Variants in ZFX observed in about 807,000 individuals in gnomAD.
The protein encoded by ZFX is zinc finger protein X-linked, also known as zinc finger X-chromosomal protein.
For missense variants in ZFX, 362 were observed against 628.3 expected (o/e 0.58, Z 4.53); for synonymous variants, 196 against 226.8 (o/e 0.86, Z 1.22).
chrX:24,177,537 C>T (rs1407904509), intron 4 of ZFX: 3 of 209,377 alleles, frequency 1.4e-5, no homozygotes, highest in Non-Finnish European at 2.1e-5. Context: ...CCTGCTCCAA[C>T]TACTCTCAAC....
chrX:24,207,564 G>A, intron 6 of ZFX, 89 bp downstream of exon 6: 1 of 1,139,120 alleles, frequency 8.8e-7, no homozygotes, highest in Non-Finnish European at 1.2e-6. Flanking sequence ...AACATTTGGA[G>A]TCTCTTCTGA....
intron 5 of ZFX, among the ~76,000 whole-genome samples, chrX:24,196,333 G>A (rs1170681780): frequency 9.0e-6 from 1 of 110,989 alleles, no homozygotes; most frequent in Non-Finnish European, 1.9e-5. Flanking sequence ...GGCTGGTCTC[G>A]AACTCCTCAC....
rs962738372 is a variant in ZFX, at chrX:24,212,449, T to C, written c.*1073T>C. 8.9e-6 allele frequency: 1 copy of C among 112,520 alleles called. No individual in the cohort carries two copies. The highest frequency in any genetic ancestry group is 3.2e-5 in the African/African-American group (1 of 30,880). The allele number at this position is 112,520 out of a possible 1,213,427, so 9.3% of individuals were successfully genotyped here. On this transcript the variant is annotated 3_prime_UTR_variant, in exon 10 of 10. Coordinates refer to ENST00000304543, the MANE Select transcript of ZFX (RefSeq NM_003410.4). ...AGAATTAGAAGGAAAATAAGGACACTAGTATTTTTAAAGAGTAAAGATATT... is the reference window on the plus strand; with the variant it reads ...AGAATTAGAAGGAAAATAAGGACACCAGTATTTTTAAAGAGTAAAGATATT...
chrX:24,210,835 T>C lies in ZFX; in HGVS notation c.1877T>C (p.Ile626Thr), dbSNP rs371967051. 85 of 1,210,088 alleles carry C rather than the reference T, an allele frequency of 7.0e-5. No homozygotes were observed. In the East Asian group the frequency reaches 2.2e-3, roughly 31 times the overall value. Residue 626 changes from isoleucine to threonine, a missense_variant, in exon 10 of 10, where the codon ATC (isoleucine) becomes ACC (threonine). Ile to Thr is a moderately conservative substitution (Grantham distance 89, BLOSUM62 -1). Coordinates refer to ENST00000304543, the MANE Select transcript of ZFX (RefSeq NM_003410.4). ...AAAGAGGTGCAGCAACATGCTCTTA[T>C]CCACCAAGAAAGCAAAACACACCAG... The part of the protein sequence containing the change: ...DTKEVQQHAL[I>T]HQESKTHQCL...
chrX:24,166,236 G>A (rs1933983460), intron 3 of ZFX, among the ~76,000 whole-genome samples: 1 of 112,380 alleles, frequency 8.9e-6, no homozygotes, highest in African/African-American at 3.2e-5. Context: ...AATAGATTGT[G>A]AAAGTTTGGA....
At chrX:24,185,128 T>C (rs1936002183) in intron 5 of ZFX, among the ~76,000 whole-genome samples, 1 of 111,527 alleles carries the variant, frequency 9.0e-6, no homozygotes, top group East Asian at 2.8e-4. Flanking sequence ...ATTTTTACAT[T>C]TTTTGTAGAG....
intron 5 of ZFX, among the ~76,000 whole-genome samples, chrX:24,199,686 G>T (rs1937159792): frequency 9.0e-6 from 1 of 111,315 alleles, no homozygotes; most frequent in South Asian, 3.7e-4. Flanking sequence ...GGGAGGCTGA[G>T]GTGGGTGGAT....
At chrX:24,204,724 A>G (rs1465321963) in intron 5 of ZFX, among the ~76,000 whole-genome samples, 1 of 112,036 alleles carries the variant, frequency 8.9e-6, no homozygotes, top group African/African-American at 3.2e-5. Flanking sequence ...GATTGGGACT[A>G]ACGTAGCTTG....
intron 6 of ZFX, 108 bp downstream of exon 6, chrX:24,207,583 T>C: frequency 3.6e-6 from 4 of 1,125,481 alleles, no homozygotes; most frequent in Non-Finnish European, 4.7e-6. Flanking sequence ...GAAGTAACTT[T>C]TATGTAAGAA....
intron 3 of ZFX, among the ~76,000 whole-genome samples, chrX:24,163,485 C>G (rs2147360341): frequency 1.1e-5 from 1 of 92,588 alleles, no homozygotes; most frequent in African/African-American, 4.0e-5. Context: ...TCAAGTGATT[C>G]TCGTGCCTCA....
upstream of ZFX, chrX:24,149,199 G>C (rs1291656089): frequency 9.1e-6 from 1 of 109,916 alleles, no homozygotes. Context: ...GCGGGGGTCT[G>C]AGGGCCTGCA....
chrX:24,172,923 C>A, intron 4 of ZFX, 123 bp downstream of exon 4: 2 of 719,349 alleles, frequency 2.8e-6, no homozygotes, highest in Non-Finnish European at 3.9e-6. Context: ...TCAAAATTCA[C>A]AGGTGTTACG....
At chrX:24,203,148 C>T (rs1180516289) in intron 5 of ZFX, among the ~76,000 whole-genome samples, 3 of 112,021 alleles carry the variant, frequency 2.7e-5, no homozygotes, top group Non-Finnish European at 5.6e-5. Context: ...ACCCAGTTAT[C>T]CTTGGCTTCT....
In ZFX at chrX:24,190,369, TAAACTGA is replaced by T. The variant is rs1936450145; in HGVS notation, c.646+10602_646+10608del. Among the ~76,000 whole-genome samples the T allele has an allele frequency of 2.7e-5, 3 of 112,329 alleles. No homozygotes were observed. In the Admixed American group the frequency reaches 2.8e-4, roughly 11 times the overall value. On this transcript the variant is annotated intron_variant, in intron 5 of 9. Transcript: ENST00000304543. Reference sequence around the variant, plus strand: ...TCCATCTAAAATTGTATCTTTACTGTAAACTGAAATTTATTTAGAAATCAACACTACA... The same window carrying T: ...TCCATCTAAAATTGTATCTTTACTGTAATTTATTTAGAAATCAACACTACA...
chrX:24,191,120 C>T (rs1237760208), intron 5 of ZFX, among the ~76,000 whole-genome samples: 2 of 111,378 alleles, frequency 1.8e-5, no homozygotes, highest in Non-Finnish European at 3.8e-5. Flanking sequence ...CTTTTTTTTC[C>T]TCCTGAATGT....
At chrX:24,180,165 G>A (rs753899970) in intron 5 of ZFX, among the ~76,000 whole-genome samples, 1 of 109,791 alleles carries the variant, frequency 9.1e-6, no homozygotes, top group South Asian at 4.0e-4. Context: ...CCGGGAGCCG[G>A]AGGTTGCAGT....
chrX:24,196,475 T>A (rs1936929467), intron 5 of ZFX, among the ~76,000 whole-genome samples: 1 of 112,285 alleles, frequency 8.9e-6, no homozygotes, highest in Non-Finnish European at 1.9e-5. Context: ...ACTCAGTGCT[T>A]ACATTATTTT....
In ZFX at chrX:24,208,347, C is replaced by T; in HGVS notation, c.1070C>T (p.Pro357Leu). 8.3e-7 allele frequency: 1 copy of T among 1,209,983 alleles called. No homozygotes were observed. The highest frequency in any genetic ancestry group is 1.1e-6 in the Non-Finnish European group (1 of 895,020). The change falls in exon 8 of 10, where the codon CCG becomes CTG. Residue 357 changes from proline to leucine, a missense_variant. Coordinates refer to ENST00000304543, the MANE Select transcript of ZFX (RefSeq NM_003410.4). ...GACAATGAAATCAAAACCTTCATGC[C>T]GATTGCATGGGCAGCAGCTTATGGT... ...MDDNEIKTFM[P>L]IAWAAAYGNN...
Position 24,207,723 on chromosome X carries a change from G to A in ZFX, c.808G>A (p.Asp270Asn). The change falls in exon 7 of 10, where the codon GAC becomes AAC. Residue 270 changes from aspartate (D) to asparagine (N), a missense_variant. Asp to Asn is a conservative substitution (Grantham distance 23). Transcript: ENST00000304543. ...PGEDDLGGTVDIVESEPENDH... is the reference protein window; with the variant it reads ...PGEDDLGGTVNIVESEPENDH... ...TCCCTGATTGATAGGTGGAACTGTA[G>A]ACATTGTGGAGAGTGAGCCTGAGAA... The A allele has an allele frequency of 8.3e-7, 1 of 1,211,212 alleles. No homozygotes were observed. The highest frequency in any genetic ancestry group is 1.1e-6 in the Non-Finnish European group (1 of 895,301).
Sources: allele counts gnomAD v4.1 joint callset (sites outside exome capture counted in the v4.1 genomes callset), GRCh38; gene constraint gnomAD v4.1.1; transcripts MANE v1.5; gene names NCBI Gene and HGNC (gene_info 2026-07-23, HGNC 2026-07-21).